GRM7: variants seen among roughly 807,000 people sequenced by gnomAD.
GRM7 encodes the protein glutamate metabotropic receptor 7.
Under a neutral mutation model 84.5 loss-of-function variants are expected in GRM7, and 35 were observed. That is an observed-to-expected ratio of 0.41 (90% CI 0.32 to 0.55). The LOEUF (loss-of-function observed/expected upper bound fraction) is 0.55, where lower values mean the gene tolerates loss of function less well. Ranked by LOEUF, GRM7 falls within the 20% of genes least tolerant of loss-of-function variation. The pLI is 0.19. For synonymous variants in GRM7, 487 were observed against 455.1 expected (o/e 1.07, Z -0.89); for missense variants, 1,003 against 1,194.6 (o/e 0.84, Z 2.36).
chr3:7,084,982 A>G (rs1191648607), intron 1 of GRM7, among the ~76,000 whole-genome samples: 1 of 152,204 alleles, frequency 6.6e-6, no homozygotes, highest in Admixed American at 6.5e-5. Flanking sequence ...ATTAAAAATC[A>G]TTCCATTATT....
intron 6 of GRM7, among the ~76,000 whole-genome samples, chr3:7,458,960 T>C (rs189668561): frequency 1.4e-3 from 215 of 152,310 alleles, no homozygotes; most frequent in Middle Eastern, 3.4e-3. Flanking sequence ...GCAAGACTTG[T>C]TGAAATCAGA....
chr3:7,200,646 T>C (rs764522981), intron 2 of GRM7, among the ~76,000 whole-genome samples: 3 of 152,160 alleles, frequency 2.0e-5, no homozygotes, highest in Non-Finnish European at 4.4e-5. Context: ...AATTGGATTC[T>C]GTGGGTCTGA....
chr3:7,517,670 G>A (rs762463055), intron 7 of GRM7, among the ~76,000 whole-genome samples: 3 of 152,154 alleles, frequency 2.0e-5, no homozygotes, highest in Non-Finnish European at 2.9e-5. Context: ...TGGGATTAGA[G>A]GCATGAGCCA....
intron 2 of GRM7, among the ~76,000 whole-genome samples, chr3:7,208,360 T>C (rs1380961658): frequency 1.3e-5 from 2 of 152,174 alleles, no homozygotes; most frequent in African/African-American, 2.4e-5. Context: ...TGGGGCTAGA[T>C]GGTCTGGAGC....
intron 2 of GRM7, among the ~76,000 whole-genome samples, chr3:7,223,900 C>T (rs60860511): frequency 0.028 from 4,281 of 152,228 alleles, 198 homozygotes; most frequent in African/African-American, 0.097. Context: ...TTCTATCACT[C>T]ACTTTTCTTG....
intron 1 of GRM7, among the ~76,000 whole-genome samples, chr3:6,991,324 C>A (rs1161960727): frequency 6.6e-6 from 1 of 152,204 alleles, no homozygotes; most frequent in Non-Finnish European, 1.5e-5. Flanking sequence ...TCTTTCTCCA[C>A]CCTTTCCCAC....
At chr3:7,326,312 C>T (rs1435011118) in intron 4 of GRM7, among the ~76,000 whole-genome samples, 1 of 151,986 alleles carries the variant, frequency 6.6e-6, no homozygotes, top group African/African-American at 2.4e-5. Context: ...CTAATTTTGT[C>T]TTGAGAACAT....
intron 4 of GRM7, among the ~76,000 whole-genome samples, chr3:7,388,992 T>C (rs1173007576): frequency 1.3e-5 from 2 of 152,158 alleles, no homozygotes; most frequent in African/African-American, 4.8e-5. Context: ...GAGATATTTC[T>C]ATATTCTTAA....
intron 2 of GRM7, among the ~76,000 whole-genome samples, chr3:7,172,344 A>T (rs1201945437): frequency 6.6e-6 from 1 of 152,174 alleles, no homozygotes; most frequent in Non-Finnish European, 1.5e-5. Context: ...TTCCAAAGGT[A>T]AGGAAGTGAA....
chr3:7,284,086 TAACTC>T (rs1267197196), intron 2 of GRM7, among the ~76,000 whole-genome samples: 2 of 152,320 alleles, frequency 1.3e-5, no homozygotes, highest in East Asian at 1.9e-4. Flanking sequence ...TGCAGCCTAA[TAACTC>T]AATTAAATTG....
intron 4 of GRM7, among the ~76,000 whole-genome samples, chr3:7,335,156 C>T (rs1701354431): frequency 6.6e-6 from 1 of 152,036 alleles, no homozygotes; most frequent in Non-Finnish European, 1.5e-5. Context: ...TAGACCATAT[C>T]ATAGGCCACA....
intron 7 of GRM7, among the ~76,000 whole-genome samples, chr3:7,556,163 C>G (rs752518534): frequency 1.4e-4 from 21 of 152,048 alleles, no homozygotes; most frequent in Non-Finnish European, 2.6e-4. Context: ...TCCTTGCATG[C>G]TCACGTGGTA....
chr3:7,339,249 A>G (rs566126920), intron 4 of GRM7, among the ~76,000 whole-genome samples: 2 of 152,228 alleles, frequency 1.3e-5, no homozygotes, highest in South Asian at 4.1e-4. Context: ...ATATACCTGC[A>G]AGAGATTGGA....
intron 9 of GRM7, chr3:7,686,403 G>A: frequency 1.3e-6 from 2 of 1,563,150 alleles, no homozygotes; most frequent in Non-Finnish European, 1.8e-6. Context: ...CTGTTACTTG[G>A]TACACTATCC....
At chr3:7,013,146 G>A (rs867466519) in intron 1 of GRM7, among the ~76,000 whole-genome samples, 1,462 of 12,288 alleles carry the variant, frequency 0.12, 28 homozygotes, top group African/African-American at 0.29. Context: ...AAAAAAAAAA[G>A]TTCAGAAACA....
intron 1 of GRM7, among the ~76,000 whole-genome samples, chr3:6,967,071 T>G (rs572919316): frequency 1.3e-5 from 2 of 152,214 alleles, no homozygotes; most frequent in African/African-American, 2.4e-5. Context: ...TGGCCTCAAG[T>G]GATCCTCCCA....
At chr3:7,212,862 A>C (rs551402684) in intron 2 of GRM7, among the ~76,000 whole-genome samples, 1 of 152,170 alleles carries the variant, frequency 6.6e-6, no homozygotes, top group Non-Finnish European at 1.5e-5. Context: ...AAGACACTGC[A>C]TGCTGAGTTT....
chr3:7,228,016 TTTC>T (rs1204515977), intron 2 of GRM7, among the ~76,000 whole-genome samples: 6 of 152,306 alleles, frequency 3.9e-5, no homozygotes, highest in Admixed American at 2.0e-4. Context: ...CAGAAAGTTA[TTTC>T]TTTTCAATTA....
At chr3:7,032,188 A>T (rs1574813006) in intron 1 of GRM7, among the ~76,000 whole-genome samples, 1 of 152,188 alleles carries the variant, frequency 6.6e-6, no homozygotes, top group East Asian at 1.9e-4. Flanking sequence ...GCTATCTAAA[A>T]TGTATGTAGG....
Sources: allele counts gnomAD v4.1 joint callset (sites outside exome capture counted in the v4.1 genomes callset), GRCh38; gene constraint gnomAD v4.1.1; transcripts MANE v1.5; gene names NCBI Gene and HGNC (gene_info 2026-07-23, HGNC 2026-07-21).